Variants in CENPF observed in about 807,000 individuals in gnomAD.
The protein encoded by CENPF is centromere protein F, also known as AH antigen.
Under a neutral mutation model 307.3 loss-of-function variants are expected in CENPF, and 214 were observed. The observed-to-expected ratio is 0.70, with a 90% CI of 0.62 to 0.78. The LOEUF (loss-of-function observed/expected upper bound fraction) is 0.78. CENPF is among the 30% of genes least tolerant of loss of function. CENPF has a pLI of 0.00. For missense variants in CENPF, 3,401 were observed against 3,483.9 expected (o/e 0.98, Z 0.60); for synonymous variants, 1,259 against 1,270.6 (o/e 0.99, Z 0.19).
In CENPF at chr1:214,648,034, A is replaced by C. The variant is rs772033873; in HGVS notation, c.7830+634A>C. On this transcript the variant is annotated intron_variant, in intron 13 of 19. Coordinates refer to ENST00000366955, the MANE Select transcript of CENPF (RefSeq NM_016343.4). ...TTAAAGAAAAATTAAGTTTTGGCCC[A>C]GTGAGCTTACTTAGTGATCTAGGAA... The C allele has an allele frequency of 9.3e-5, 43 of 463,798 alleles. 1 individual carries two copies. Among genetic ancestry groups the C allele is most frequent in the Non-Finnish European group, 1.4e-4 (32 of 230,612 alleles). 28.7% of individuals were successfully genotyped at this position (463,798 alleles called of 1,614,324 possible).
chr1:214,652,912 T>C lies in CENPF; in HGVS notation c.8245T>C (p.Leu2749=). ...LSSQKLEIDL[L]KSSKEELNNS... Reference sequence around the variant, plus strand: ...TTCACAGAAGCTGGAGATAGACCTTTTAAAGTCTAGTAAAGAAGAGCTCAA... The same window carrying C: ...TTCACAGAAGCTGGAGATAGACCTTCTAAAGTCTAGTAAAGAAGAGCTCAA... Residue 2749 remains leucine, a synonymous_variant, in exon 16 of 20, where the codon TTA becomes CTA. Transcript: ENST00000366955. 1.2e-6 allele frequency: 2 copies of C among 1,607,790 alleles called. No homozygotes were observed. The highest frequency in any genetic ancestry group is 2.2e-5 in the South Asian group (2 of 89,624).
chr1:214,648,878 C>T (rs184631024), intron 14 of CENPF, 51 bp downstream of exon 14: 637 of 1,564,700 alleles, frequency 4.1e-4, no homozygotes, highest in Non-Finnish European at 5.1e-4. Flanking sequence ...TCATTGTGCA[C>T]ACTCTCCTTA....
At chr1:214,657,497 T>C (rs1174004513) in intron 18 of CENPF, 88 bp downstream of exon 18, 1 of 970,298 alleles carries the variant, frequency 1.0e-6, no homozygotes, top group Non-Finnish European at 1.5e-6. Context: ...GTATTTGCTT[T>C]TTTACATTAT....
chr1:214,616,970 C>T (rs1571697489), intron 3 of CENPF, among the ~76,000 whole-genome samples: 1 of 124,856 alleles, frequency 8.0e-6, no homozygotes. Context: ...CCCTCCTTCC[C>T]TCCCTCCCTC....
rs755108813 is a variant in CENPF at position 214,640,797 on chromosome 1, A to G, written c.2459A>G (p.Gln820Arg). The change falls in exon 12 of 20, where the codon CAA (glutamine) becomes CGA (arginine). Residue 820 changes from glutamine (Q) to arginine (R), a missense_variant. Gln to Arg is a conservative substitution (Grantham distance 43). Coordinates refer to ENST00000366955, the MANE Select transcript of CENPF (RefSeq NM_016343.4). ...ERSECRLEAD[Q>R]SPKNSAILQN... ...AGTGAATGTCGTTTAGAAGCAGACC[A>G]AAGTCCGAAAAATTCTGCCATCCTA... The G allele has an allele frequency of 3.2e-5, 51 of 1,607,084 alleles. No homozygotes were observed. Among genetic ancestry groups the G allele is most frequent in the Non-Finnish European group, 4.1e-5 (48 of 1,177,692 alleles).
chr1:214,648,009 T>A (rs570201358), intron 13 of CENPF: 2 of 491,698 alleles, frequency 4.1e-6, no homozygotes, highest in African/African-American at 3.9e-5. Flanking sequence ...GGCTCAATTA[T>A]TAAAGAAAAA....
chr1:214,640,940 A>G lies in CENPF; in HGVS notation c.2602A>G (p.Met868Val). Residue 868 changes from methionine to valine, a missense_variant, in exon 12 of 20, where the codon ATG becomes GTG. By Grantham distance (21) the Met-to-Val change is conservative (BLOSUM62 1). Coordinates refer to ENST00000366955, the MANE Select transcript of CENPF (RefSeq NM_016343.4). ...QIKGEIEENL[M>V]KAEQMHQSFV... ...CAAAGGAGAAATAGAAGAAAATCTCATGAAAGCAGAACAGATGCATCAAAG... is the reference window on the plus strand; with the variant it reads ...CAAAGGAGAAATAGAAGAAAATCTCGTGAAAGCAGAACAGATGCATCAAAG... The G allele has an allele frequency of 6.2e-7, 1 of 1,608,634 alleles. No homozygotes were observed. Among genetic ancestry groups the G allele is most frequent in the Non-Finnish European group, 8.5e-7 (1 of 1,178,450 alleles).
intron 14 of CENPF, among the ~76,000 whole-genome samples, chr1:214,650,091 T>C (rs1403621149): frequency 6.6e-6 from 1 of 152,236 alleles, no homozygotes; most frequent in Middle Eastern, 3.4e-3. Context: ...TGTGGGGATA[T>C]CAGGGTAGGA....
At chr1:214,657,439 G>C (rs1658671184) in intron 18 of CENPF, 30 bp downstream of exon 18, 1 of 1,497,428 alleles carries the variant, frequency 6.7e-7, no homozygotes, top group Non-Finnish European at 9.1e-7. Flanking sequence ...AAAATTATTT[G>C]TGTTCTTTTG....
chr1:214,643,798 TCTAA>T (rs1465223386), intron 12 of CENPF, among the ~76,000 whole-genome samples: 1 of 152,244 alleles, frequency 6.6e-6, no homozygotes, highest in East Asian at 1.9e-4. Context: ...CAGTTTTCTC[TCTAA>T]CAATTTACTG....
chr1:214,614,284 C>T (rs1166298706), intron 2 of CENPF, among the ~76,000 whole-genome samples: 7 of 152,104 alleles, frequency 4.6e-5, no homozygotes, highest in Non-Finnish European at 1.0e-4. Flanking sequence ...AAGGTGTCTG[C>T]TCCTAATCTG....
At chr1:214,616,849 CTTTCTTTCTTTCTTTCTTTCT>C (rs1558170844) in intron 3 of CENPF, among the ~76,000 whole-genome samples, 2 of 6,576 alleles carry the variant, frequency 3.0e-4, no homozygotes, top group African/African-American at 7.2e-4. Flanking sequence ...TTCTTTCTTT[CTTTCTTTCTTTCTTTCTTTCT>C]TTCTTTCTTT....
chr1:214,607,699 G>T (rs952436801), intron 1 of CENPF, among the ~76,000 whole-genome samples: 1 of 152,172 alleles, frequency 6.6e-6, no homozygotes, highest in East Asian at 1.9e-4. Context: ...CTCATCCAAA[G>T]CAGCACTGGC....
chr1:214,632,593 A>G lies in CENPF; in HGVS notation c.1437A>G (p.Arg479=). ...AGATCAAGGAGAATGAGCTGAGGAGAAGCATGGAGGTAAGGGAGGAGGATG... is the reference window on the plus strand; with the variant it reads ...AGATCAAGGAGAATGAGCTGAGGAGGAGCATGGAGGTAAGGGAGGAGGATG... ...ASQIKENELR[R]SMEEMKKENN... is the part of the protein sequence containing the mutation. Residue 479 remains arginine, a synonymous_variant, in exon 10 of 20, where the codon AGA becomes AGG. Transcript: ENST00000366955. 1 of 1,613,780 alleles carries G rather than the reference A, an allele frequency of 6.2e-7. No homozygotes were observed. The highest frequency in any genetic ancestry group is 1.1e-5 in the South Asian group (1 of 91,006).
chr1:214,605,035 G>A (rs772586704), intron 1 of CENPF, among the ~76,000 whole-genome samples: 1 of 152,020 alleles, frequency 6.6e-6, no homozygotes, highest in Admixed American at 6.5e-5. Context: ...TAAAATGGCC[G>A]TTAACTTTAT....
rs1658649708 is a variant in CENPF at position 214,656,952 on chromosome 1, G to A, written c.8505G>A (p.Lys2835=). 1 of 1,608,506 alleles carries A rather than the reference G, an allele frequency of 6.2e-7. No homozygotes were observed. Among genetic ancestry groups the A allele is most frequent in the Non-Finnish European group, 8.5e-7 (1 of 1,178,250 alleles). Residue 2835 remains lysine (K), a synonymous_variant, in exon 18 of 20, where the codon AAG becomes AAA. Transcript: ENST00000366955. ...GGACAGGTACTGTTATGGATACCAA[G>A]GTCGATGAATTAACAACTGAGATCA... The part of the protein sequence containing the change: ...KQKTGTVMDT[K]VDELTTEIKE...
At chr1:214,607,560 C>T (rs1657069899) in intron 1 of CENPF, among the ~76,000 whole-genome samples, 2 of 152,220 alleles carry the variant, frequency 1.3e-5, no homozygotes, top group African/African-American at 4.8e-5. Context: ...TCCCCAGGGC[C>T]TCTGACTTCT....
intron 12 of CENPF, among the ~76,000 whole-genome samples, chr1:214,643,969 A>G (rs1056175337): frequency 2.6e-5 from 4 of 152,196 alleles, no homozygotes; most frequent in African/African-American, 9.7e-5. Flanking sequence ...TCCTCTGTCT[A>G]TCTCTGTGAG....
chr1:214,644,045 A>G (rs754658526), intron 12 of CENPF, among the ~76,000 whole-genome samples: 3 of 152,344 alleles, frequency 2.0e-5, no homozygotes, highest in Admixed American at 6.5e-5. Flanking sequence ...CCCAGTTTAC[A>G]GATGAGAGGA....
Sources: gnomAD v4.1 joint callset for allele counts (sites outside exome capture counted in the v4.1 genomes callset) on GRCh38, gnomAD v4.1.1 for gene constraint, MANE v1.5 for transcripts, NCBI Gene and HGNC (gene_info 2026-07-23, HGNC 2026-07-21) for gene names.